Variants in ARHGEF4 observed in about 807,000 individuals in gnomAD.
ARHGEF4 encodes the protein Rho guanine nucleotide exchange factor 4, also known as APC-stimulated guanine nucleotide exchange factor 1.
In ARHGEF4, 119 loss-of-function variants were observed where a neutral mutation model predicts 162.0. The observed-to-expected ratio is 0.73, with a 90% CI of 0.63 to 0.86. The LOEUF (loss-of-function observed/expected upper bound fraction) is 0.86. Among genes scored for constraint, ARHGEF4 ranks in the 40% least tolerant of loss-of-function variants. The pLI, the probability that ARHGEF4 is intolerant of heterozygous loss-of-function variation, is 0.00. For missense variants in ARHGEF4, 2,488 were observed against 2,456.0 expected, an observed-to-expected ratio of 1.01 and a Z score of -0.28; for synonymous variants, 1,014 against 979.9, an observed-to-expected ratio of 1.03 and a Z score of -0.65.
chr2:130,867,259 A>T (rs1682352784), intron 1 of ARHGEF4, among the ~76,000 whole-genome samples: 1 of 151,282 alleles, frequency 6.6e-6, no homozygotes, highest in African/African-American at 2.4e-5. Flanking sequence ...TTTTTTAATG[A>T]GACGGAGTCT....
chr2:130,845,315 G>C (rs1680883196), intron 1 of ARHGEF4, among the ~76,000 whole-genome samples: 1 of 151,754 alleles, frequency 6.6e-6, no homozygotes, highest in East Asian at 2.0e-4. Flanking sequence ...AGACCAGCCT[G>C]GGCAACATAG....
chr2:130,928,863 GAC>G (rs1295269894), intron 2 of ARHGEF4, among the ~76,000 whole-genome samples: 1 of 152,012 alleles, frequency 6.6e-6, no homozygotes, highest in East Asian at 1.9e-4. Flanking sequence ...CCCTCCCCTG[GAC>G]ACATGAGGAC....
intron 2 of ARHGEF4, chr2:130,929,768 T>C (rs987230011): frequency 1.5e-5 from 3 of 199,652 alleles, no homozygotes; most frequent in Admixed American, 1.3e-4. Flanking sequence ...AGTAGAGTGT[T>C]GGGTAGAACA....
chr2:131,041,402 A>G lies in ARHGEF4; in HGVS notation c.4835A>G (p.Lys1612Arg), dbSNP rs1300173173. The change falls in exon 9 of 14, where the codon AAG (lysine) becomes AGG (arginine). Residue 1612 changes from lysine to arginine, a missense_variant. Around this residue, in one of 6 missense-constraint regions of ARHGEF4, gnomAD observed 415 missense variants for 512.4 expected, o/e 0.81. Coordinates refer to ENST00000409359, the MANE Select transcript of ARHGEF4 (RefSeq NM_001367493.1). Reference sequence around the variant, plus strand: ...GGCTTCCTGCTGACTCCGGTGCAGAAGATCTGCAAGTACCCTCTGCAGCTG... The same window carrying G: ...GGCTTCCTGCTGACTCCGGTGCAGAGGATCTGCAAGTACCCTCTGCAGCTG... The part of the protein sequence containing the change: ...LDGFLLTPVQ[K>R]ICKYPLQLAE... 6.8e-6 allele frequency: 11 copies of G among 1,613,270 alleles called. No homozygotes were observed. The South Asian group carries it at 8.8e-5, about 13-fold the overall frequency.
intron 3 of ARHGEF4, among the ~76,000 whole-genome samples, chr2:130,942,580 AC>A (rs1413943417): frequency 1.3e-5 from 2 of 152,368 alleles, no homozygotes; most frequent in African/African-American, 4.8e-5. Flanking sequence ...ATATGGTGTA[AC>A]ATACAAGGGT....
chr2:130,935,500 G>A (rs2105116306), intron 3 of ARHGEF4, among the ~76,000 whole-genome samples: 1 of 152,212 alleles, frequency 6.6e-6, no homozygotes, highest in Non-Finnish European at 1.5e-5. Flanking sequence ...TTTTAATTTA[G>A]GCTTTTACAA....
At chr2:130,869,937 C>T (rs1024414819) in intron 1 of ARHGEF4, among the ~76,000 whole-genome samples, 9 of 152,212 alleles carry the variant, frequency 5.9e-5, no homozygotes, top group African/African-American at 2.2e-4. Flanking sequence ...AGGCCCCCTC[C>T]GTGGAACCCG....
chr2:130,950,645 A>G (rs1359860925), intron 4 of ARHGEF4, among the ~76,000 whole-genome samples: 1 of 151,656 alleles, frequency 6.6e-6, no homozygotes, highest in Non-Finnish European at 1.5e-5. Flanking sequence ...ATTTTAGAAC[A>G]TTGTCAGCAC....
intron 4 of ARHGEF4, among the ~76,000 whole-genome samples, chr2:130,973,644 T>C (rs1288829300): frequency 1.3e-5 from 2 of 152,218 alleles, no homozygotes; most frequent in Non-Finnish European, 2.9e-5. Context: ...GAGCTTCCCA[T>C]ACAGCATAAC....
rs556979749 is a variant in ARHGEF4, at chr2:130,878,900, G to A, written c.40-35086G>A. Among the ~76,000 whole-genome samples, 13 of 152,344 alleles carry A rather than the reference G, an allele frequency of 8.5e-5. No individual in the cohort carries two copies. In the East Asian group the frequency reaches 1.5e-3, roughly 18 times the overall value. On this transcript the variant is annotated intron_variant, in intron 1 of 13. Transcript: ENST00000409359. ...CTCTGGCAGTACAAAGAGGTGCCTG[G>A]CCATTTTTTGGGCATCATGGGGACA... is the stretch of plus-strand genomic sequence containing the variant.
intron 3 of ARHGEF4, among the ~76,000 whole-genome samples, 169 bp downstream of exon 3, chr2:130,931,426 G>A (rs577322509): frequency 1.3e-5 from 2 of 152,256 alleles, no homozygotes; most frequent in East Asian, 1.9e-4. Flanking sequence ...TACTGCAGTC[G>A]AGGGCCTGCA....
rs56868632 is a variant in ARHGEF4 at position 131,023,074 on chromosome 2, C to CAAAAAAAAAAAAAAAAA, written c.3986-4866_3986-4850dup. On this transcript the variant is annotated intron_variant, in intron 4 of 13. Transcript: ENST00000409359. The stretch of plus-strand genomic sequence containing the variant: ...TGGGCAACATGGTGAAACCCTGTCT[C>CAAAAAAAAAAAAAAAAA]AAAAAAAAAAAAAAAAAAAAAGAAC... 6.0e-5 allele frequency among the ~76,000 whole-genome samples: 4 copies of CAAAAAAAAAAAAAAAAA among 66,650 alleles called. 2 individuals carry two copies. Among genetic ancestry groups the CAAAAAAAAAAAAAAAAA allele is most frequent in the African/African-American group, 1.1e-4 (2 of 18,264 alleles). The allele number at this position is 66,650 out of a possible 152,430, so 43.7% of individuals were successfully genotyped here. A position where few individuals can be genotyped will look rare whatever the true frequency, so the allele number is the denominator to read the frequency against.
intron 4 of ARHGEF4, among the ~76,000 whole-genome samples, chr2:130,970,212 C>G (rs181004729): frequency 6.6e-6 from 1 of 152,164 alleles, no homozygotes; most frequent in Non-Finnish European, 1.5e-5. Context: ...AAGAAACTGT[C>G]AACTCTTTCA....
intron 1 of ARHGEF4, among the ~76,000 whole-genome samples, chr2:130,894,277 C>G (rs1423884499): frequency 6.6e-6 from 1 of 152,202 alleles, no homozygotes; most frequent in Admixed American, 6.5e-5. Context: ...GGCCTCACCA[C>G]TGCCTGACCA....
rs1681396002 is a variant in ARHGEF4 at position 130,914,996 on chromosome 2, TC to T, written c.1053del (p.Val352TrpfsTer6). ...GGTTTTCACCAGAGTGCCCCGAGGA[TC>T]CCGTGGGACAGAATGTTGTGAAGTC... ...AGFSPECPED[P>X]VGQNVVKSGT... On this transcript the variant is annotated frameshift_variant, in exon 2 of 14. Transcript: ENST00000409359. LOFTEE classifies it high-confidence loss of function. The T allele has an allele frequency of 6.4e-7, 1 of 1,550,450 alleles. No homozygotes were observed. Among genetic ancestry groups the T allele is most frequent in the East Asian group, 2.4e-5 (1 of 40,906 alleles).
chr2:130,979,734 TA>T (rs776769283), intron 4 of ARHGEF4, among the ~76,000 whole-genome samples: 5,463 of 92,634 alleles, frequency 0.059, 336 homozygotes, highest in African/African-American at 0.2. Context: ...AGACTCCATC[TA>T]AAAAAAAAAA....
chr2:130,997,330 A>C (rs1331363116), intron 4 of ARHGEF4, among the ~76,000 whole-genome samples: 2 of 151,254 alleles, frequency 1.3e-5, no homozygotes, highest in Admixed American at 6.6e-5. Context: ...ATCTATCTGA[A>C]CTCTCTTACT....
intron 1 of ARHGEF4, among the ~76,000 whole-genome samples, chr2:130,903,019 T>G (rs1159273427): frequency 6.6e-6 from 1 of 152,166 alleles, no homozygotes; most frequent in Non-Finnish European, 1.5e-5. Context: ...CCTCTGCCTT[T>G]TCTATATTGC....
intron 2 of ARHGEF4, 133 bp from the exon 3 acceptor site, chr2:130,930,819 G>A (rs1169403373): frequency 4.1e-6 from 3 of 739,730 alleles, no homozygotes; most frequent in Non-Finnish European, 6.2e-6. Context: ...GTATTTCACT[G>A]GACTCTGTAC....
Sources: allele counts gnomAD v4.1 joint callset (sites outside exome capture counted in the v4.1 genomes callset), GRCh38; gene constraint gnomAD v4.1.1; regional missense constraint gnomAD v4.1.1; transcripts MANE v1.5; gene names NCBI Gene and HGNC (gene_info 2026-07-23, HGNC 2026-07-21).